The following SPRR5 variants were observed in gnomAD, a reference collection of about 807,000 sequenced individuals.
SPRR5 encodes the protein small proline-rich protein 5.
chr1:152,947,940 CTT>C (rs1651098666), intron 1 of SPRR5, among the ~76,000 whole-genome samples: 1 of 152,140 alleles, frequency 6.6e-6, no homozygotes, highest in Non-Finnish European at 1.5e-5. Context: ...AATTACAACT[CTT>C]ATATAGTGTT....
rs1412404689 is a variant in SPRR5, at chr1:152,948,803, G to A, written c.249G>A (p.Gln83=). Residue 83 remains glutamine (Q), a synonymous_variant, in exon 2 of 2, where the codon CAG becomes CAA. Transcript: ENST00000636302. ...CCCAACAGACCAAGCAGCCTTGCCA[G>A]CCCCCACCCAAGTGCCAGGAGCCCT... 13 of 125,026 alleles carry A rather than the reference G, an allele frequency of 1.0e-4. No homozygotes were observed. The East Asian group carries it at 1.9e-3, about 18-fold the overall frequency. The allele number at this position is 125,026 out of a possible 1,614,324, so 7.7% of individuals were successfully genotyped here.
intron 1 of SPRR5, among the ~76,000 whole-genome samples, 177 bp downstream of exon 1, chr1:152,947,425 G>A (rs1651086796): frequency 6.6e-6 from 1 of 152,172 alleles, no homozygotes; most frequent in African/African-American, 2.4e-5. Context: ...TTATCCAGCA[G>A]AGTAGTGTGG....
exon 2 of SPRR5, chr1:152,948,857 G>C (rs370340079): frequency 2.5e-5 from 5 of 199,170 alleles, no homozygotes; most frequent in African/African-American, 2.8e-5. Flanking sequence ...CCCCTCAGCA[G>C]TGCCAGACGT....
chr1:152,947,537 T>A (rs1651090409), intron 1 of SPRR5, among the ~76,000 whole-genome samples: 1 of 152,036 alleles, frequency 6.6e-6, no homozygotes, highest in Non-Finnish European at 1.5e-5. Context: ...TGTCAGGTGC[T>A]AAGAGGGAAT....
exon 2 of SPRR5, chr1:152,948,954 A>G (rs916400843): frequency 5.4e-6 from 1 of 185,594 alleles, no homozygotes; most frequent in Non-Finnish European, 1.1e-5. Flanking sequence ...CCAGCATCTT[A>G]CACTCCACAG....
exon 2 of SPRR5, chr1:152,948,854 G>T: frequency 5.5e-6 from 1 of 182,030 alleles, no homozygotes; most frequent in Non-Finnish European, 1.0e-5. Context: ...CACCCCCTCA[G>T]CAGTGCCAGA....
chr1:152,947,649 C>G (rs1651092560), intron 1 of SPRR5, among the ~76,000 whole-genome samples: 1 of 152,154 alleles, frequency 6.6e-6, no homozygotes, highest in Admixed American at 6.5e-5. Flanking sequence ...TCCCTTGGGA[C>G]AGCAGAGTTG....
At chr1:152,948,206 CCT>C (rs760346976) in intron 1 of SPRR5, among the ~76,000 whole-genome samples, 5 of 151,600 alleles carry the variant, frequency 3.3e-5, no homozygotes, top group Non-Finnish European at 5.9e-5. Flanking sequence ...TTTCATTCTT[CCT>C]CTTTTTTTTC....
intron 1 of SPRR5, among the ~76,000 whole-genome samples, chr1:152,947,597 C>T (rs1320264910): frequency 6.6e-6 from 1 of 152,084 alleles, no homozygotes; most frequent in Non-Finnish European, 1.5e-5. Flanking sequence ...GAAGGACTGT[C>T]CTTTCAAAGA....
rs185452616 is a variant in SPRR5 at position 152,948,602 on chromosome 1, C to T, written c.48C>T (p.Cys16=). The change falls in exon 2 of 2, where the codon TGC becomes TGT. Residue 16 remains cysteine, a synonymous_variant. Coordinates refer to ENST00000636302, the Ensembl canonical transcript of SPRR5. ...AGTGTGCTCCCCCGCAGCAGTGCTG[C>T]CCCCCACCCCAGCAGCGCTGCCCCC... 4.9e-3 allele frequency: 217 copies of T among 44,344 alleles called. 3 individuals are homozygous for T. The East Asian group carries it at 0.077, about 16-fold the overall frequency. The allele number at this position is 44,344 out of a possible 1,614,324, so 2.7% of individuals were successfully genotyped here.
At chr1:152,947,808 C>A (rs532702820) in intron 1 of SPRR5, among the ~76,000 whole-genome samples, 42 of 152,284 alleles carry the variant, frequency 2.8e-4, no homozygotes, top group African/African-American at 1.0e-3. Context: ...CTTTCCTCAA[C>A]TGTAATTGAG....
intron 1 of SPRR5, among the ~76,000 whole-genome samples, chr1:152,947,552 A>G (rs568263199): frequency 1.3e-5 from 2 of 152,240 alleles, no homozygotes; most frequent in African/African-American, 4.8e-5. Flanking sequence ...GGGAATTAGT[A>G]GGAGAGGAGA....
At chr1:152,947,661 G>C (rs2101533381) in intron 1 of SPRR5, among the ~76,000 whole-genome samples, 1 of 152,270 alleles carries the variant, frequency 6.6e-6, no homozygotes, top group Admixed American at 6.5e-5. Flanking sequence ...GCAGAGTTGT[G>C]GATGTCCATG....
intron 1 of SPRR5, among the ~76,000 whole-genome samples, chr1:152,948,007 C>A (rs963272992): frequency 4.6e-5 from 7 of 152,194 alleles, no homozygotes; most frequent in African/African-American, 1.7e-4. Context: ...CCTACGTATG[C>A]ATGCATATTT....
At chr1:152,948,914 G>C (rs1651140150) in exon 2 of SPRR5, 4 of 210,458 alleles carry the variant, frequency 1.9e-5, no homozygotes, top group Non-Finnish European at 2.9e-5. Context: ...CGAACCCCCA[G>C]GAAAAACAGA....
chr1:152,948,629 A>C (rs181384327), exon 2 of SPRR5: 46 of 22,020 alleles, frequency 2.1e-3, no homozygotes, highest in African/African-American at 9.0e-3. Context: ...GCTGCCCCCC[A>C]CCCCAGCAGT....
At chr1:152,948,424 G>T in intron 1 of SPRR5, 113 bp from the exon 2 acceptor site, 1 of 202,844 alleles carries the variant, frequency 4.9e-6, no homozygotes, top group Non-Finnish European at 1.0e-5. Context: ...TCTGTGAAGG[G>T]ATCAGGGCAA....
At chr1:152,947,524 T>C (rs1651090032) in intron 1 of SPRR5, among the ~76,000 whole-genome samples, 1 of 152,114 alleles carries the variant, frequency 6.6e-6, no homozygotes, top group Non-Finnish European at 1.5e-5. Context: ...GGGTGTTGCA[T>C]CTTGTCAGGT....
chr1:152,948,727 G>A (rs1570933161), exon 2 of SPRR5: 1 of 152,730 alleles, frequency 6.5e-6, no homozygotes, highest in Non-Finnish European at 1.2e-5. Flanking sequence ...CAGCAGTGCT[G>A]TCCCCCACCC....
Sources: gnomAD v4.1 joint callset for allele counts (sites outside exome capture counted in the v4.1 genomes callset) on GRCh38, gnomAD v4.1.1 for gene constraint, MANE v1.5 for transcripts, NCBI Gene and HGNC (gene_info 2026-07-23, HGNC 2026-07-21) for gene names.